The following ALDH1L1 variants were observed in gnomAD, a reference collection of about 807,000 sequenced individuals.
The protein encoded by ALDH1L1 is cytosolic 10-formyltetrahydrofolate dehydrogenase.
ALDH1L1 carries 68 observed loss-of-function variants against 101.1 expected under a neutral mutation model. The observed-to-expected ratio is 0.67, with a 90% CI of 0.55 to 0.82. The LOEUF (loss-of-function observed/expected upper bound fraction) is 0.82. Ranked by LOEUF, ALDH1L1 falls within the 40% of genes least tolerant of loss-of-function variation. The pLI is 0.00. For missense variants in ALDH1L1, 1,087 were observed against 1,172.7 expected (o/e 0.93, Z 1.07); for synonymous variants, 486 against 470.8 (o/e 1.03, Z -0.42).
intron 1 of ALDH1L1, among the ~76,000 whole-genome samples, chr3:126,187,132 C>T (rs772505075): frequency 5.1e-4 from 77 of 151,728 alleles, no homozygotes; most frequent in Non-Finnish European, 8.2e-4. Context: ...ATGGTGGGAA[C>T]GGGGAAAGGC....
At chr3:126,151,274 T>C (rs2080802283) in intron 7 of ALDH1L1, 2 of 152,052 alleles carry the variant, frequency 1.3e-5, no homozygotes, top group Non-Finnish European at 2.9e-5. Context: ...CTGGAGAACA[T>C]CACCAGATGC....
Position 126,161,018 on chromosome 3 carries a change from G to A in ALDH1L1, c.-23-16C>T. ...TTGGAAGGACCTGGAGAAGGAATAA[G>A]GCAGCAATTAGACAGAGATCGCTGG... On this transcript the variant is annotated splice_polypyrimidine_tract_variant and intron_variant, in intron 1 of 22. Coordinates refer to ENST00000393434, the MANE Select transcript of ALDH1L1 (RefSeq NM_012190.4). 1.2e-6 allele frequency: 2 copies of A among 1,613,512 alleles called. No homozygotes were observed. The highest frequency in any genetic ancestry group is 1.7e-6 in the Non-Finnish European group (2 of 1,179,754).
intron 6 of ALDH1L1, 43 bp from the exon 7 acceptor site, chr3:126,153,624 GC>G (rs775215764): frequency 1.3e-6 from 2 of 1,585,776 alleles, no homozygotes; most frequent in Admixed American, 1.7e-5. Flanking sequence ...GTGAGAAGAA[GC>G]CCCCGAAGCC....
At chr3:126,132,009 G>C (rs2080318743) in intron 12 of ALDH1L1, among the ~76,000 whole-genome samples, 1 of 152,260 alleles carries the variant, frequency 6.6e-6, no homozygotes, top group Non-Finnish European at 1.5e-5. Context: ...CAGAGATGGA[G>C]AGGTGGCCCC....
intron 17 of ALDH1L1, 198 bp from the exon 18 acceptor site, chr3:126,114,854 C>G (rs2108194427): frequency 1.6e-6 from 1 of 628,758 alleles, no homozygotes; most frequent in East Asian, 3.2e-5. Flanking sequence ...CTGTACACAC[C>G]AGGCCTGTGC....
chr3:126,195,646 TA>T (rs1445682020), intron 1 of ALDH1L1, among the ~76,000 whole-genome samples: 2 of 152,204 alleles, frequency 1.3e-5, no homozygotes, highest in African/African-American at 4.8e-5. Flanking sequence ...CATGCTGCTA[TA>T]AAGGCACATG....
chr3:126,189,536 G>A (rs1230710249), intron 1 of ALDH1L1, among the ~76,000 whole-genome samples: 4 of 152,162 alleles, frequency 2.6e-5, no homozygotes, highest in African/African-American at 4.8e-5. Flanking sequence ...TGTGGGTAGT[G>A]AGAAGAACTT....
chr3:126,189,123 C>T (rs2081537869), intron 1 of ALDH1L1, among the ~76,000 whole-genome samples: 1 of 152,106 alleles, frequency 6.6e-6, no homozygotes. Context: ...ACCACAAATA[C>T]AATTTAAATA....
At chr3:126,182,361 C>T (rs2081483987), upstream of ALDH1L1, among the ~76,000 whole-genome samples, 1 of 152,144 alleles carries the variant, frequency 6.6e-6, no homozygotes, top group Non-Finnish European at 1.5e-5. Flanking sequence ...CCATGTTGGC[C>T]AGGCTGGTCT....
At position 126,107,226 on chromosome 3, in the gene ALDH1L1, C is replaced by T. The variant is rs1318524991; in HGVS notation, c.2368G>A (p.Val790Ile). 3.7e-6 allele frequency: 6 copies of T among 1,614,092 alleles called. No individual in the cohort carries two copies. Among genetic ancestry groups the T allele is most frequent in the South Asian group, 1.1e-5 (1 of 91,078 alleles). The change falls in exon 21 of 23, where the codon GTT becomes ATT. Residue 790 changes from valine (V) to isoleucine (I), a missense_variant. Physicochemically the swap from Val to Ile is conservative, Grantham distance 29. Coordinates refer to ENST00000393434, the MANE Select transcript of ALDH1L1 (RefSeq NM_012190.4). ...PRPGFFFEPT[V>I]FTDVEDHMFI... ...ATGTGGTCTTCCACGTCTGTGAAAA[C>T]AGTTGGCTCAAAGAAGAACCCTGCA...
At chr3:126,122,320 C>A (rs1356542659) in intron 16 of ALDH1L1, among the ~76,000 whole-genome samples, 1 of 152,126 alleles carries the variant, frequency 6.6e-6, no homozygotes. Context: ...GCTTTCTTAA[C>A]TGATTTAAAA....
intron 7 of ALDH1L1, 136 bp downstream of exon 7, chr3:126,153,308 G>T: frequency 7.3e-7 from 1 of 1,361,936 alleles, no homozygotes; most frequent in East Asian, 2.3e-5. Context: ...GGACAAATCA[G>T]GGTCAGTGTT....
chr3:126,134,365 C>T (rs887917216), intron 12 of ALDH1L1, among the ~76,000 whole-genome samples: 2 of 152,236 alleles, frequency 1.3e-5, no homozygotes, highest in South Asian at 2.1e-4. Context: ...ACCCCACGCA[C>T]GCTGTTGGTT....
Position 126,153,448 on chromosome 3 carries a change from T to C in ALDH1L1, c.854A>G (p.Lys285Arg). 3 of 1,613,906 alleles carry C rather than the reference T, an allele frequency of 1.9e-6. No homozygotes were observed. Among genetic ancestry groups the C allele is most frequent in the Middle Eastern group, 1.6e-4 (1 of 6,062 alleles). The change falls in exon 7 of 23, where the codon AAA becomes AGA. Residue 285 changes from lysine to arginine, a missense_variant. Lys to Arg is a conservative substitution (Grantham distance 26). This residue lies in a region of ALDH1L1 where 645 missense variants were observed against 637.0 expected (regional missense o/e 1.01). Transcript: ENST00000393434. The part of the protein sequence containing the change: ...AGLILFGNDD[K>R]MLLVKNIQLE... ...GACCCACAGCCGTGCCCTTACCATT[T>C]TGTCATCATTCCCAAAGAGGATGAG...
intron 7 of ALDH1L1, 28 bp from the exon 8 acceptor site, chr3:126,150,559 T>G: frequency 6.5e-7 from 1 of 1,544,436 alleles, no homozygotes; most frequent in Non-Finnish European, 8.8e-7. Context: ...TCTTTTCTTT[T>G]CTTTTCTTTT....
intron 11 of ALDH1L1, among the ~76,000 whole-genome samples, chr3:126,136,234 G>C (rs2080441402): frequency 6.6e-6 from 1 of 152,172 alleles, no homozygotes; most frequent in Non-Finnish European, 1.5e-5. Context: ...GGATGGACAG[G>C]ATAGAAAAAT....
intron 15 of ALDH1L1, among the ~76,000 whole-genome samples, chr3:126,124,946 C>T (rs1171417944): frequency 6.6e-6 from 1 of 152,198 alleles, no homozygotes; most frequent in African/African-American, 2.4e-5. Context: ...CCCAAAGAAG[C>T]TGGCGAGTGG....
chr3:126,191,030 C>T (rs939594773), intron 1 of ALDH1L1, among the ~76,000 whole-genome samples: 6 of 152,144 alleles, frequency 3.9e-5, no homozygotes, highest in African/African-American at 1.4e-4. Flanking sequence ...GAGTTTTCAG[C>T]CCAAGACTCA....
intron 7 of ALDH1L1, chr3:126,153,004 GGCTCTGCAC>G: frequency 3.5e-6 from 1 of 286,346 alleles, no homozygotes; most frequent in Non-Finnish European, 6.8e-6. Flanking sequence ...TGGCTCCCAA[GGCTCTGCAC>G]GTGCTAAGTT....
Sources: allele counts gnomAD v4.1 joint callset (sites outside exome capture counted in the v4.1 genomes callset), GRCh38; gene constraint gnomAD v4.1.1; regional missense constraint gnomAD v4.1.1; transcripts MANE v1.5; gene names NCBI Gene and HGNC (gene_info 2026-07-23, HGNC 2026-07-21).